Variants in PGBD5 observed in about 807,000 individuals in gnomAD.
PGBD5 encodes the protein piggyBac transposable element derived 5.
Under a neutral mutation model 47.9 loss-of-function variants are expected in PGBD5, and 14 were observed. That is an observed-to-expected ratio of 0.29 (90% CI 0.19 to 0.46). The LOEUF (loss-of-function observed/expected upper bound fraction) is 0.46, where lower values mean the gene tolerates loss of function less well. Ranked by LOEUF, PGBD5 falls within the 20% of genes least tolerant of loss-of-function variation. PGBD5 has a pLI of 1.00. For missense variants in PGBD5, 635 were observed against 716.0 expected (o/e 0.89, Z 1.29); for synonymous variants, 316 against 306.3 (o/e 1.03, Z -0.33).
intron 1 of PGBD5, among the ~76,000 whole-genome samples, chr1:230,393,272 G>A (rs190995013): frequency 0.011 from 1,551 of 144,714 alleles, 19 homozygotes; most frequent in Non-Finnish European, 0.019. Flanking sequence ...GGGGGAGGAG[G>A]AGGGAGGAAA....
intron 1 of PGBD5, chr1:230,377,617 G>A: frequency 9.1e-6 from 14 of 1,537,482 alleles, no homozygotes; most frequent in Non-Finnish European, 1.2e-5. Context: ...TCTGTAGTCA[G>A]GCATATCTGA....
intron 1 of PGBD5, among the ~76,000 whole-genome samples, chr1:230,375,288 A>C (rs1198544273): frequency 6.6e-6 from 1 of 152,230 alleles, no homozygotes; most frequent in Non-Finnish European, 1.5e-5. Context: ...TCTCTGTAAC[A>C]CAGGGTATGG....
Position 230,341,728 on chromosome 1 carries a change from G to A in PGBD5, c.895-4440C>T, listed in dbSNP as rs536956622. 1.1e-4 allele frequency among the ~76,000 whole-genome samples: 17 copies of A among 152,256 alleles called. No homozygotes were observed. The South Asian group carries it at 2.3e-3, about 20-fold the overall frequency. On this transcript the variant is annotated intron_variant, in intron 3 of 6. Coordinates refer to ENST00000391860, the MANE Select transcript of PGBD5 (RefSeq NM_001258311.2). ...ATCATACTAATATGGTTCCACCAAC[G>A]TGTGTAGACATAGGTGACTTCCTAT...
At position 230,383,511 on chromosome 1, in the gene PGBD5, C is replaced by T. The variant is rs565236873; in HGVS notation, c.332-26190G>A. On this transcript the variant is annotated intron_variant, in intron 1 of 6. Transcript: ENST00000391860. ...TCCTAAATAGCTGGGATTATAGGTG[C>T]ACCACCAAGCCTGGCTTATTTTAAA... 6.6e-5 allele frequency among the ~76,000 whole-genome samples: 10 copies of T among 152,194 alleles called. No individual in the cohort carries two copies. The South Asian group carries it at 2.1e-3, about 32-fold the overall frequency.
intron 1 of PGBD5, among the ~76,000 whole-genome samples, chr1:230,423,896 A>G (rs1283025938): frequency 6.6e-6 from 1 of 152,166 alleles, no homozygotes; most frequent in Admixed American, 6.5e-5. Context: ...GCTCTTCATG[A>G]CCGTAAGTGC....
At chr1:230,396,238 A>C (rs1207201535) in intron 1 of PGBD5, among the ~76,000 whole-genome samples, 6 of 7,542 alleles carry the variant, frequency 8.0e-4, no homozygotes, top group Admixed American at 1.9e-3. Flanking sequence ...TTACCCCCAC[A>C]CTCCTCCCTT....
chr1:230,366,530 A>G (rs889411292), intron 1 of PGBD5, among the ~76,000 whole-genome samples: 13 of 151,994 alleles, frequency 8.6e-5, no homozygotes, highest in African/African-American at 2.9e-4. Flanking sequence ...TTATGCAAAA[A>G]CCTCACATTA....
chr1:230,414,286 C>T (rs2102751828), intron 1 of PGBD5, among the ~76,000 whole-genome samples: 1 of 152,304 alleles, frequency 6.6e-6, no homozygotes, highest in Admixed American at 6.5e-5. Context: ...GCCTTTCTGA[C>T]AGGCAGAACC....
In PGBD5 at chr1:230,350,991, G is replaced by C. The variant is rs139182569; in HGVS notation, c.861C>G (p.Val287=). Residue 287 remains valine, a synonymous_variant, in exon 3 of 7, where the codon GTC becomes GTG. Transcript: ENST00000391860. ...KRKKRKFSLW[V]RQCSSTGFII... is the part of the protein sequence containing the mutation. ...TGAAGCCAGTGGAAGAACATTGTCT[G>C]ACCCAGAGGCTGAATTTCCGCTTTT... 4.3e-6 allele frequency: 7 copies of C among 1,614,116 alleles called. No homozygotes were observed. The East Asian group carries it at 1.6e-4, about 36-fold the overall frequency.
intron 1 of PGBD5, among the ~76,000 whole-genome samples, chr1:230,415,352 T>C (rs1657491745): frequency 6.6e-6 from 1 of 152,068 alleles, no homozygotes; most frequent in African/African-American, 2.4e-5. Context: ...CAGTCTTTCC[T>C]CCCAGAAAAA....
At position 230,355,776 on chromosome 1, in the gene PGBD5, A is replaced by C. The variant is rs570236771; in HGVS notation, c.759+1118T>G. ...ATGCATTTGCAAGGCAGAGAGAAGA[A>C]GGCGGCGTTCCAAGGGCCAGAAGGC... On this transcript the variant is annotated intron_variant, in intron 2 of 6. Transcript: ENST00000391860. 6.2e-4 allele frequency among the ~76,000 whole-genome samples: 95 copies of C among 152,326 alleles called. 2 individuals carry two copies. The Middle Eastern group carries it at 0.014, about 22-fold the overall frequency.
intron 1 of PGBD5, among the ~76,000 whole-genome samples, chr1:230,412,279 C>G (rs1657425066): frequency 6.6e-6 from 1 of 152,108 alleles, no homozygotes; most frequent in Non-Finnish European, 1.5e-5. Context: ...TTTTCAACTT[C>G]CCCAAAACTC....
intron 1 of PGBD5, among the ~76,000 whole-genome samples, chr1:230,415,192 T>C (rs1281532943): frequency 6.6e-6 from 1 of 152,002 alleles, no homozygotes; most frequent in Non-Finnish European, 1.5e-5. Context: ...GGAGGACTGC[T>C]TGAGCCCAGG....
intron 5 of PGBD5, among the ~76,000 whole-genome samples, chr1:230,327,691 AGGG>A (rs35110588): frequency 6.6e-6 from 1 of 152,160 alleles, no homozygotes; most frequent in Non-Finnish European, 1.5e-5. Flanking sequence ...GAGCCTGCAG[AGGG>A]GGCGTTCTCC....
chr1:230,349,384 A>C (rs1667526399), intron 3 of PGBD5, among the ~76,000 whole-genome samples: 1 of 152,078 alleles, frequency 6.6e-6, no homozygotes, highest in African/African-American at 2.4e-5. Context: ...AATAAAAATA[A>C]ATTAGCCAGG....
intron 1 of PGBD5, among the ~76,000 whole-genome samples, chr1:230,405,513 T>C (rs1271630913): frequency 6.6e-6 from 1 of 152,268 alleles, no homozygotes; most frequent in Admixed American, 6.5e-5. Flanking sequence ...TATTTGTTAA[T>C]TGACCATTTA....
At position 230,355,690 on chromosome 1, in the gene PGBD5, G is replaced by GA. The variant is rs753858776; in HGVS notation, c.759+1203dup. Among the ~76,000 whole-genome samples the GA allele has an allele frequency of 3.6e-4, 55 of 152,302 alleles. 1 individual carries two copies. In the South Asian group the frequency reaches 4.4e-3, roughly 12 times the overall value. On this transcript the variant is annotated intron_variant, in intron 2 of 6. Transcript: ENST00000391860. ...CTGGCTGCCCCATCAATAGTGGGGG[G>GA]AATTCAGATAACAGGGAATCCACAC...
At chr1:230,424,891 C>A (rs907841144) in intron 1 of PGBD5, among the ~76,000 whole-genome samples, 1 of 152,234 alleles carries the variant, frequency 6.6e-6, no homozygotes. Context: ...AGCACCCTAG[C>A]CACCTTCTCC....
chr1:230,400,446 T>A (rs553820049), intron 1 of PGBD5, among the ~76,000 whole-genome samples: 1 of 152,114 alleles, frequency 6.6e-6, no homozygotes, highest in South Asian at 2.1e-4. Context: ...TGTTACCCAC[T>A]CTAGAATGTG....
Sources: gnomAD v4.1 joint callset for allele counts (sites outside exome capture counted in the v4.1 genomes callset) on GRCh38, gnomAD v4.1.1 for gene constraint, MANE v1.5 for transcripts, NCBI Gene and HGNC (gene_info 2026-07-23, HGNC 2026-07-21) for gene names.